Variants in MYO10 observed in about 807,000 individuals in gnomAD.
The protein encoded by MYO10 is unconventional myosin-X.
In MYO10, 133 loss-of-function variants were observed where a neutral mutation model predicts 257.3. That is an observed-to-expected ratio of 0.52 (90% CI 0.45 to 0.60). The LOEUF is 0.60. Ranked by LOEUF, MYO10 falls within the 20% of genes least tolerant of loss-of-function variation. The pLI is 0.00. For missense variants in MYO10, 2,399 were observed against 2,635.7 expected, an observed-to-expected ratio of 0.91 and a Z score of 1.97; for synonymous variants, 1,104 against 1,028.6, an observed-to-expected ratio of 1.07 and a Z score of -1.40.
At chr5:16,702,902 T>C in intron 23 of MYO10, 23 bp downstream of exon 23, 1 of 1,540,216 alleles carries the variant, frequency 6.5e-7, no homozygotes, top group Non-Finnish European at 8.8e-7. Flanking sequence ...ATTTGTTTCA[T>C]CCCAGCAAGA....
chr5:16,906,661 A>G (rs1478259878), intron 1 of MYO10, among the ~76,000 whole-genome samples: 1 of 152,082 alleles, frequency 6.6e-6, no homozygotes, highest in African/African-American at 2.4e-5. Flanking sequence ...CTCTATGCCT[A>G]TCTCGAAGGT....
At chr5:16,718,928 C>T (rs1417578643) in intron 19 of MYO10, among the ~76,000 whole-genome samples, 2 of 152,198 alleles carry the variant, frequency 1.3e-5, no homozygotes, top group African/African-American at 2.4e-5. Context: ...CGCCAATCAG[C>T]GCCCTGACAA....
intron 4 of MYO10, among the ~76,000 whole-genome samples, chr5:16,794,390 A>G (rs1741867271): frequency 6.7e-6 from 1 of 150,042 alleles, no homozygotes; most frequent in East Asian, 2.0e-4. Context: ...CTTTAAAAAA[A>G]AAAAAAAAAA....
chr5:16,836,940 C>A (rs1743330372), intron 2 of MYO10, among the ~76,000 whole-genome samples: 2 of 152,124 alleles, frequency 1.3e-5, no homozygotes, highest in African/African-American at 4.8e-5. Context: ...TGGAAACAAC[C>A]CAAATGGTTG....
intron 2 of MYO10, among the ~76,000 whole-genome samples, chr5:16,844,902 C>T (rs933588510): frequency 1.3e-5 from 2 of 151,816 alleles, no homozygotes; most frequent in Non-Finnish European, 2.9e-5. Context: ...GTTAAACTCT[C>T]CAACAAGATT....
chr5:16,733,239 C>A (rs1177079608), intron 19 of MYO10, among the ~76,000 whole-genome samples: 4 of 152,138 alleles, frequency 2.6e-5, no homozygotes, highest in Non-Finnish European at 5.9e-5. Context: ...ATTAAAAAGA[C>A]CACAAGGTCA....
At chr5:16,684,768 G>A (rs557840470) in intron 29 of MYO10, among the ~76,000 whole-genome samples, 27 of 152,232 alleles carry the variant, frequency 1.8e-4, no homozygotes, top group Admixed American at 1.0e-3. Flanking sequence ...TTTGGATTTC[G>A]GCCCAGCACA....
At chr5:16,781,590 T>C in intron 6 of MYO10, 115 bp downstream of exon 6, 1 of 1,156,188 alleles carries the variant, frequency 8.6e-7, no homozygotes, top group Non-Finnish European at 1.2e-6. Context: ...GTCTAATTCG[T>C]TAAAGAACCA....
At position 16,664,149 on chromosome 5, in the gene MYO10, T is replaced by C. The variant is rs143769729; in HGVS notation, c.*2543A>G. ...CCTCCCTGTACGTTCTGTTGCAACTTTCTCTGAGTCTGTAATTATTTCTAA... is the reference window on the plus strand; with the variant it reads ...CCTCCCTGTACGTTCTGTTGCAACTCTCTCTGAGTCTGTAATTATTTCTAA... On this transcript the variant is annotated 3_prime_UTR_variant, in exon 41 of 41. Transcript: ENST00000513610. 4 of 152,258 alleles carry C rather than the reference T, an allele frequency of 2.6e-5. No homozygotes were observed. Among genetic ancestry groups the C allele is most frequent in the South Asian group, 2.1e-4 (1 of 4,816 alleles). The allele number at this position is 152,258 out of a possible 1,614,324, so 9.4% of individuals were successfully genotyped here.
intron 10 of MYO10, 38 bp from the exon 11 acceptor site, chr5:16,766,236 C>G: frequency 6.7e-7 from 1 of 1,501,860 alleles, no homozygotes; most frequent in Admixed American, 1.8e-5. Flanking sequence ...AACCCACCGC[C>G]CCCAAGAAGC....
At chr5:16,817,880 T>C in intron 3 of MYO10, 129 bp downstream of exon 3, 5 of 872,356 alleles carry the variant, frequency 5.7e-6, no homozygotes, top group Non-Finnish European at 8.0e-6. Context: ...ATGTGGCAAA[T>C]CCCTTGAAAA....
Position 16,807,168 on chromosome 5 carries a change from G to A in MYO10, c.279+10841C>T, listed in dbSNP as rs78540873. Reference sequence around the variant, plus strand: ...TCTCTCAAACACCTCGGCTAAATACGGCAGTGACTTACTTCCTAAATCTTT... The same window carrying A: ...TCTCTCAAACACCTCGGCTAAATACAGCAGTGACTTACTTCCTAAATCTTT... On this transcript the variant is annotated intron_variant, in intron 3 of 40. Transcript: ENST00000513610. Among the ~76,000 whole-genome samples, 20 of 152,122 alleles carry A rather than the reference G, an allele frequency of 1.3e-4. No homozygotes were observed. In the South Asian group the frequency reaches 1.9e-3, roughly 14 times the overall value.
At chr5:16,878,772 G>A (rs886757079) in intron 1 of MYO10, among the ~76,000 whole-genome samples, 2 of 152,168 alleles carry the variant, frequency 1.3e-5, no homozygotes, top group African/African-American at 4.8e-5. Flanking sequence ...ATAAGTGGGA[G>A]CTAAGCTATG....
rs752966889 is a variant in MYO10 at position 16,820,867 on chromosome 5, C to T, written c.121-2700G>A. 4.0e-5 allele frequency among the ~76,000 whole-genome samples: 6 copies of T among 149,280 alleles called. No homozygotes were observed. The South Asian group carries it at 1.3e-3, about 31-fold the overall frequency. ...CATATAATGTGTATGGTATATATTT[C>T]ACACATATAAAACATCTTATATGTA... On this transcript the variant is annotated intron_variant, in intron 2 of 40. Coordinates refer to ENST00000513610, the MANE Select transcript of MYO10 (RefSeq NM_012334.3).
chr5:16,930,799 G>A (rs1201945713), intron 1 of MYO10, among the ~76,000 whole-genome samples: 9 of 152,202 alleles, frequency 5.9e-5, no homozygotes, highest in Admixed American at 5.9e-4. Context: ...ATCGGAGGGA[G>A]CCAAGCGCTA....
At position 16,676,120 on chromosome 5, in the gene MYO10, A is replaced by G. The variant is rs1422199680; in HGVS notation, c.4577T>C (p.Ile1526Thr). ...TCGAAGGATCGGGTTCCGCTTGTAA[A>G]TCTGTTCCACCACATCCGAGTTCAG... The part of the protein sequence containing the change: ...NCLNSDVVEQ[I>T]YKRNPILRYT... Residue 1526 changes from isoleucine (I) to threonine (T), a missense_variant, in exon 34 of 41, where the codon ATT becomes ACT. Transcript: ENST00000513610. The G allele has an allele frequency of 6.8e-6, 11 of 1,613,482 alleles. No homozygotes were observed. Among genetic ancestry groups the G allele is most frequent in the Non-Finnish European group, 8.5e-6 (10 of 1,179,732 alleles).
chr5:16,913,043 A>C (rs1169621789), intron 1 of MYO10, among the ~76,000 whole-genome samples: 1 of 151,922 alleles, frequency 6.6e-6, no homozygotes, highest in Admixed American at 6.6e-5. Flanking sequence ...AAAGTTCACC[A>C]AAAAAGGAGC....
At chr5:16,923,693 C>A (rs1746054211) in intron 1 of MYO10, among the ~76,000 whole-genome samples, 1 of 151,208 alleles carries the variant, frequency 6.6e-6, no homozygotes, top group Admixed American at 6.6e-5. Flanking sequence ...CACACACACA[C>A]ACTCCCTAAC....
chr5:16,886,960 A>C (rs1160177778), intron 1 of MYO10, among the ~76,000 whole-genome samples: 2 of 151,632 alleles, frequency 1.3e-5, no homozygotes, highest in Non-Finnish European at 2.9e-5. Context: ...CAAAGCAAAA[A>C]CAAAAAAACA....
Sources: allele counts gnomAD v4.1 joint callset (sites outside exome capture counted in the v4.1 genomes callset), GRCh38; gene constraint gnomAD v4.1.1; transcripts MANE v1.5; gene names NCBI Gene and HGNC (gene_info 2026-07-23, HGNC 2026-07-21).